The following NLGN4Y variants were observed in gnomAD, a reference collection of about 807,000 sequenced individuals.
NLGN4Y encodes neuroligin-4, Y-linked.
In NLGN4Y, 4 loss-of-function variants were observed where a neutral mutation model predicts 8.4. That is an observed-to-expected ratio of 0.48 (90% CI 0.23 to 1.09). The LOEUF (loss-of-function observed/expected upper bound fraction) is 1.09. Among genes scored for constraint, NLGN4Y ranks in the 50% least tolerant of loss-of-function variants. The pLI, the probability that NLGN4Y is intolerant of heterozygous loss-of-function variation, is 0.19. For missense variants in NLGN4Y, 90 were observed against 192.3 expected (o/e 0.47, Z 3.15); for synonymous variants, 35 against 75.6 (o/e 0.46, Z 2.78).
intron 4 of NLGN4Y, among the ~76,000 whole-genome samples, chrY:14,753,115 CT>C (rs2081046103): frequency 3.1e-5 from 1 of 32,176 alleles, no homozygotes; most frequent in African/African-American, 1.2e-4. Flanking sequence ...TTTTTGGTTT[CT>C]TTTTTCTTTT....
intron 4 of NLGN4Y, among the ~76,000 whole-genome samples, chrY:14,803,675 T>A: frequency 6.1e-5 from 2 of 32,566 alleles, no homozygotes; most frequent in Non-Finnish European, 1.5e-4. Context: ...AAGCCTAGGG[T>A]GCAGTTAGAA....
intron 1 of NLGN4Y, among the ~76,000 whole-genome samples, chrY:14,599,890 A>C: frequency 3.0e-5 from 1 of 32,791 alleles, no homozygotes; most frequent in African/African-American, 1.2e-4. Flanking sequence ...ATTTTCAGGG[A>C]ATGGAGTAGG....
intron 2 of NLGN4Y, among the ~76,000 whole-genome samples, chrY:14,694,999 C>T: frequency 3.0e-5 from 1 of 33,506 alleles, no homozygotes. Context: ...GGTATTGTTC[C>T]AAGAAAGTGT....
chrY:14,820,344 G>T (rs967894504), intron 4 of NLGN4Y, among the ~76,000 whole-genome samples: 5 of 33,019 alleles, frequency 1.5e-4, no homozygotes, highest in African/African-American at 5.9e-4. Context: ...AAGATGATAT[G>T]CATCAAAATG....
intron 4 of NLGN4Y, among the ~76,000 whole-genome samples, chrY:14,735,921 G>T (rs377067766): frequency 9.4e-3 from 311 of 33,169 alleles, no homozygotes; most frequent in South Asian, 0.038. Context: ...TTTTGAACTT[G>T]AGAGAGATGA....
At chrY:14,744,070 G>A (rs2081017230) in intron 4 of NLGN4Y, among the ~76,000 whole-genome samples, 2 of 33,460 alleles carry the variant, frequency 6.0e-5, no homozygotes, top group African/African-American at 1.2e-4. Context: ...ATATTCATGC[G>A]TCAACTTGTA....
intron 4 of NLGN4Y, among the ~76,000 whole-genome samples, chrY:14,785,277 C>T: frequency 1.2e-4 from 4 of 33,557 alleles, no homozygotes; most frequent in Admixed American, 5.4e-4. Flanking sequence ...GTGTCTTAGT[C>T]CCCTCTCTGT....
chrY:14,550,450 T>C, intron 1 of NLGN4Y, among the ~76,000 whole-genome samples: 1 of 33,874 alleles, frequency 3.0e-5, no homozygotes, highest in Non-Finnish European at 7.3e-5. Flanking sequence ...TGCACATTAG[T>C]TGATACAGTT....
At chrY:14,647,593 T>G in intron 2 of NLGN4Y, among the ~76,000 whole-genome samples, 1 of 33,826 alleles carries the variant, frequency 3.0e-5, no homozygotes, top group African/African-American at 1.1e-4. Context: ...CTGTGGCCAT[T>G]AGAAAGTGAC....
At chrY:14,798,272 C>A (rs965308343) in intron 4 of NLGN4Y, among the ~76,000 whole-genome samples, 53 of 33,502 alleles carry the variant, frequency 1.6e-3, no homozygotes, top group Non-Finnish European at 3.4e-3. Flanking sequence ...TATATCAACT[C>A]AGGGCACTCT....
chrY:14,644,019 A>G, intron 2 of NLGN4Y, among the ~76,000 whole-genome samples: 1 of 33,234 alleles, frequency 3.0e-5, no homozygotes, highest in Non-Finnish European at 7.4e-5. Flanking sequence ...GCAGCTTTGT[A>G]TAAGTCCAAA....
At chrY:14,750,707 T>A in intron 4 of NLGN4Y, among the ~76,000 whole-genome samples, 5 of 32,510 alleles carry the variant, frequency 1.5e-4, no homozygotes, top group Admixed American at 1.4e-3. Flanking sequence ...TCCCGTTGAT[T>A]TTTTTTTAAT....
chrY:14,709,947 C>T (rs770725547), intron 2 of NLGN4Y, among the ~76,000 whole-genome samples: 88 of 33,148 alleles, frequency 2.7e-3, no homozygotes, highest in African/African-American at 9.7e-3. Context: ...GAAGAGTAAT[C>T]AAATAAAATG....
chrY:14,721,643 C>T (rs997755201), intron 3 of NLGN4Y, among the ~76,000 whole-genome samples: 1 of 32,011 alleles, frequency 3.1e-5, no homozygotes, highest in Non-Finnish European at 7.6e-5. Flanking sequence ...CCTCAGAATT[C>T]CTTTCTCATA....
intron 2 of NLGN4Y, among the ~76,000 whole-genome samples, chrY:14,713,232 G>T: frequency 3.0e-5 from 1 of 33,427 alleles, no homozygotes; most frequent in Non-Finnish European, 7.4e-5. Context: ...TAATGCTAAG[G>T]TTCTTTTTGG....
At position 14,781,000 on chromosome Y, in the gene NLGN4Y, T is replaced by A. The variant is rs202138380; in HGVS notation, c.686-43188T>A. The stretch of plus-strand genomic sequence containing the variant: ...CAGGTTGCCTTATATTTTTATTGTG[T>A]TTGGTTCATCTGATCAATTCACAAA... On this transcript the variant is annotated intron_variant, in intron 4 of 6. Coordinates refer to ENST00000684976, the MANE Select transcript of NLGN4Y (RefSeq NM_001365588.1). 1.5e-3 allele frequency among the ~76,000 whole-genome samples: 50 copies of A among 33,312 alleles called. No individual in the cohort carries two copies. The East Asian group carries it at 0.041, about 27-fold the overall frequency. The allele number at this position is 33,312 out of a possible 37,273, so 89.4% of individuals were successfully genotyped here.
chrY:14,556,777 C>T, intron 1 of NLGN4Y, among the ~76,000 whole-genome samples: 3 of 33,043 alleles, frequency 9.1e-5, no homozygotes, highest in African/African-American at 3.6e-4. Flanking sequence ...GGTCTGCTGA[C>T]TGGGAATCTT....
At chrY:14,819,282 A>G (rs1036513075) in intron 4 of NLGN4Y, among the ~76,000 whole-genome samples, 3 of 33,357 alleles carry the variant, frequency 9.0e-5, no homozygotes, top group African/African-American at 3.5e-4. Flanking sequence ...TTACTTAACT[A>G]AAATACCAGA....
chrY:14,543,297 A>G (rs888173232), intron 1 of NLGN4Y, among the ~76,000 whole-genome samples: 2 of 33,929 alleles, frequency 5.9e-5, no homozygotes, highest in Non-Finnish European at 1.5e-4. Context: ...GCTAACTCAC[A>G]CAAGGTCTAT....
Sources: allele counts gnomAD v4.1 joint callset (sites outside exome capture counted in the v4.1 genomes callset), GRCh38; gene constraint gnomAD v4.1.1; transcripts MANE v1.5; gene names NCBI Gene and HGNC (gene_info 2026-07-23, HGNC 2026-07-21).